SCP2: variants seen among roughly 807,000 people sequenced by gnomAD.
SCP2 encodes SCP-2/3-oxoacyl-CoA thiolase.
In SCP2, 48 loss-of-function variants were observed where a neutral mutation model predicts 71.4. That is an observed-to-expected ratio of 0.67 (90% CI 0.53 to 0.86). SCP2 has a LOEUF of 0.86. SCP2 is among the 40% of genes least tolerant of loss of function. The probability of loss-of-function intolerance (pLI) is 0.00; values close to 1 mark genes in which losing one functional copy is unlikely to be tolerated. For synonymous variants in SCP2, 220 were observed against 218.1 expected (o/e 1.01, Z -0.08); for missense variants, 560 against 655.6 (o/e 0.85, Z 1.59).
At chr1:52,931,659 G>A (rs1374656840) in intron 1 of SCP2, among the ~76,000 whole-genome samples, 8 of 152,190 alleles carry the variant, frequency 5.3e-5, no homozygotes, top group Admixed American at 5.2e-4. Flanking sequence ...CCATCATCTT[G>A]TGGTGAAGAT....
At chr1:53,008,661 A>T (rs141286661) in intron 11 of SCP2, among the ~76,000 whole-genome samples, 14 of 152,168 alleles carry the variant, frequency 9.2e-5, no homozygotes, top group Non-Finnish European at 2.1e-4. Flanking sequence ...TGACAAACCC[A>T]CAGCCAATAT....
chr1:52,942,836 A>G (rs2150113031), intron 2 of SCP2, among the ~76,000 whole-genome samples: 1 of 151,288 alleles, frequency 6.6e-6, no homozygotes, highest in East Asian at 2.0e-4. Context: ...AGTAGCTGGG[A>G]TTACAGGCAC....
At chr1:53,034,082 G>A (rs1662746645) in intron 13 of SCP2, among the ~76,000 whole-genome samples, 1 of 152,074 alleles carries the variant, frequency 6.6e-6, no homozygotes, top group South Asian at 2.1e-4. Context: ...AGGCCAACAT[G>A]GTAAAACCCC....
intron 5 of SCP2, among the ~76,000 whole-genome samples, chr1:52,959,414 T>C (rs1433422078): frequency 1.3e-5 from 2 of 151,898 alleles, no homozygotes; most frequent in Non-Finnish European, 2.9e-5. Flanking sequence ...AGGCTGGTCT[T>C]GAACTCCCGA....
At chr1:53,027,209 C>G (rs1051922236) in intron 12 of SCP2, among the ~76,000 whole-genome samples, 1 of 152,222 alleles carries the variant, frequency 6.6e-6, no homozygotes, top group African/African-American at 2.4e-5. Flanking sequence ...CACGCACCAC[C>G]ACACCAGGCC....
At position 53,004,985 on chromosome 1, in the gene SCP2, C is replaced by A. The variant is rs893804923; in HGVS notation, c.1082-9905C>A. Among the ~76,000 whole-genome samples the A allele has an allele frequency of 5.3e-5, 8 of 152,360 alleles. No individual in the cohort carries two copies. In the South Asian group the frequency reaches 6.2e-4, roughly 12 times the overall value. On this transcript the variant is annotated intron_variant, in intron 11 of 15. Coordinates refer to ENST00000371514, the MANE Select transcript of SCP2 (RefSeq NM_002979.5). Reference sequence around the variant, plus strand: ...CACACCAGGAGATTATATCCCATGCCTGGCTTGGAGGGTCCCACACCCATG... The same window carrying A: ...CACACCAGGAGATTATATCCCATGCATGGCTTGGAGGGTCCCACACCCATG...
Position 52,954,725 on chromosome 1 carries a change from AC to A in SCP2, c.332-14del. 9 of 1,608,826 alleles carry A rather than the reference AC, an allele frequency of 5.6e-6. No individual in the cohort carries two copies. The highest frequency in any genetic ancestry group is 6.8e-6 in the Non-Finnish European group (8 of 1,175,152). On this transcript the variant is annotated splice_polypyrimidine_tract_variant and intron_variant, in intron 4 of 15. Transcript: ENST00000371514. ...GGAAATTTGAATTTTCAAAATAATT[AC>A]GTTTTCCTTTAAGGTGTGGCAGAAT...
At chr1:52,941,768 T>C in intron 1 of SCP2, 28 bp from the exon 2 acceptor site, 7 of 1,466,508 alleles carry the variant, frequency 4.8e-6, no homozygotes, top group Non-Finnish European at 6.7e-6. Context: ...TACTTGTTTG[T>C]ATTTATTATC....
chr1:52,959,299 G>T (rs1454156058), intron 5 of SCP2, among the ~76,000 whole-genome samples: 2 of 151,562 alleles, frequency 1.3e-5, no homozygotes, highest in Admixed American at 6.6e-5. Context: ...AGGTTCAAGC[G>T]ATTCTCCTGC....
At chr1:52,945,110 C>G (rs1162110800) in intron 2 of SCP2, among the ~76,000 whole-genome samples, 1 of 151,994 alleles carries the variant, frequency 6.6e-6, no homozygotes, top group Non-Finnish European at 1.5e-5. Flanking sequence ...CTATTAGTAT[C>G]TTGGTGTTAT....
Position 53,047,874 on chromosome 1 carries a change from C to T in SCP2, c.1485C>T (p.Cys495=). 1 of 1,612,484 alleles carries T rather than the reference C, an allele frequency of 6.2e-7. No homozygotes were observed. Residue 495 remains cysteine, a synonymous_variant, in exon 15 of 16, where the codon TGC becomes TGT. Coordinates refer to ENST00000371514, the MANE Select transcript of SCP2 (RefSeq NM_002979.5). Reference sequence around the variant, plus strand: ...CTGTTTTAGATAAGAAGGCTGACTGCACAATCACAATGGCTGACTCAGACT... The same window carrying T: ...CTGTTTTAGATAAGAAGGCTGACTGTACAATCACAATGGCTGACTCAGACT... The part of the protein sequence containing the change: ...VLPNSDKKAD[C]TITMADSDFL...
chr1:52,975,202 A>G (rs1657849948), intron 7 of SCP2, among the ~76,000 whole-genome samples: 1 of 150,998 alleles, frequency 6.6e-6, no homozygotes, highest in Admixed American at 6.6e-5. Flanking sequence ...TTTTTTTTAG[A>G]TGGCATCTCA....
At chr1:53,037,538 G>A (rs1384751968) in intron 13 of SCP2, among the ~76,000 whole-genome samples, 3 of 152,126 alleles carry the variant, frequency 2.0e-5, no homozygotes, top group East Asian at 1.9e-4. Context: ...GAGGACGGGA[G>A]GGAGAAGGGA....
At chr1:52,989,263 C>T (rs1659261987) in intron 11 of SCP2, among the ~76,000 whole-genome samples, 1 of 152,150 alleles carries the variant, frequency 6.6e-6, no homozygotes, top group Non-Finnish European at 1.5e-5. Context: ...ATCCAAAAAT[C>T]CTGTCCTTTA....
intron 2 of SCP2, among the ~76,000 whole-genome samples, chr1:52,944,161 C>T (rs903231290): frequency 6.6e-6 from 1 of 152,186 alleles, no homozygotes; most frequent in African/African-American, 2.4e-5. Flanking sequence ...AGGCACAGTC[C>T]TTTTCCTAGG....
At chr1:52,929,356 A>G (rs747113816) in intron 1 of SCP2, among the ~76,000 whole-genome samples, 56 of 152,158 alleles carry the variant, frequency 3.7e-4, no homozygotes, top group Non-Finnish European at 7.1e-4. Context: ...CTAATTAAAA[A>G]AAAATTTTTT....
rs576347441 is a variant in SCP2 at position 52,997,973 on chromosome 1, A to G, written c.1081+9837A>G. On this transcript the variant is annotated intron_variant, in intron 11 of 15. Coordinates refer to ENST00000371514, the MANE Select transcript of SCP2 (RefSeq NM_002979.5). The stretch of plus-strand genomic sequence containing the variant: ...GATAGATTAGTTTTGCTGATCCTAG[A>G]ACTTCATATAAATGGAATCATACAG... 2.0e-5 allele frequency among the ~76,000 whole-genome samples: 3 copies of G among 152,336 alleles called. No homozygotes were observed. The East Asian group carries it at 5.8e-4, about 29-fold the overall frequency.
At chr1:52,990,733 C>CAAAAAAA (rs61221989) in intron 11 of SCP2, among the ~76,000 whole-genome samples, 1 of 62,410 alleles carries the variant, frequency 1.6e-5, no homozygotes, top group Non-Finnish European at 3.1e-5. Context: ...GACTCCGTCT[C>CAAAAAAA]AAAAAAAAAA....
intron 13 of SCP2, among the ~76,000 whole-genome samples, chr1:53,036,642 T>C (rs1401905860): frequency 6.7e-6 from 1 of 149,320 alleles, no homozygotes; most frequent in Non-Finnish European, 1.5e-5. Context: ...ATTAAACAGA[T>C]CCCATTTAAG....
Sources: allele counts gnomAD v4.1 joint callset (sites outside exome capture counted in the v4.1 genomes callset), GRCh38; gene constraint gnomAD v4.1.1; transcripts MANE v1.5; gene names NCBI Gene and HGNC (gene_info 2026-07-23, HGNC 2026-07-21).